Variants in RANBP2 observed in about 807,000 individuals in gnomAD.
RANBP2 encodes the protein RAN binding protein 2.
Under a neutral mutation model 303.6 loss-of-function variants are expected in RANBP2, and 57 were observed. The observed-to-expected ratio is 0.19, with a 90% CI of 0.15 to 0.23. The LOEUF is 0.23. RANBP2 is among the 10% of genes least tolerant of loss of function. The pLI is 1.00. For synonymous variants in RANBP2, 1,167 were observed against 1,301.5 expected, an observed-to-expected ratio of 0.90 and a Z score of 2.23; for missense variants, 3,138 against 3,780.8, an observed-to-expected ratio of 0.83 and a Z score of 4.46.
chr2:108,890,327 C>T, the RANBP2 span, among the ~76,000 whole-genome samples: 1 of 151,294 alleles, frequency 6.6e-6, no homozygotes, highest in Non-Finnish European at 1.5e-5. Flanking sequence ...TTACTGCAGC[C>T]TCTGCCTCCC....
In RANBP2 at chr2:108,785,053, C is replaced by A. The variant is rs942293250; in HGVS notation, c.*1152C>A. On this transcript the variant is annotated 3_prime_UTR_variant, in exon 29 of 29. Coordinates refer to ENST00000283195, the MANE Select transcript of RANBP2 (RefSeq NM_006267.5). ...GTAGAACACAAAATTTTGTATATTG[C>A]AATTATGAATATTGACTGTCTTCCA... 16 of 152,170 alleles carry A rather than the reference C, an allele frequency of 1.1e-4. No individual in the cohort carries two copies. The highest frequency in any genetic ancestry group is 2.9e-5 in the Non-Finnish European group (2 of 68,028). 9.4% of individuals were successfully genotyped at this position (152,170 alleles called of 1,614,324 possible). A position where few individuals can be genotyped will look rare whatever the true frequency, so the allele number is the denominator to read the frequency against.
chr2:109,027,295 G>T, the RANBP2 span, among the ~76,000 whole-genome samples: 6 of 152,038 alleles, frequency 3.9e-5, no homozygotes, highest in African/African-American at 1.4e-4. Context: ...TTGAAGGAGG[G>T]TGGGTCTCCT....
At chr2:108,805,237 T>C in the RANBP2 span, among the ~76,000 whole-genome samples, 7 of 152,150 alleles carry the variant, frequency 4.6e-5, no homozygotes, top group South Asian at 2.1e-4. Flanking sequence ...GAAAAAAACC[T>C]GATAACCTGA....
the RANBP2 span, among the ~76,000 whole-genome samples, chr2:109,359,322 TTTGA>T: frequency 6.6e-6 from 1 of 152,262 alleles, no homozygotes; most frequent in Non-Finnish European, 1.5e-5. Flanking sequence ...TTGCTGATAC[TTTGA>T]TTGAGATTGT....
chr2:108,978,341 T>C, the RANBP2 span, among the ~76,000 whole-genome samples: 1 of 152,200 alleles, frequency 6.6e-6, no homozygotes, highest in African/African-American at 2.4e-5. Context: ...ATAATCACCA[T>C]CTTATTAGGT....
At chr2:108,763,023 A>G (rs1355002265) in intron 19 of RANBP2, among the ~76,000 whole-genome samples, 2 of 152,110 alleles carry the variant, frequency 1.3e-5, no homozygotes, top group Non-Finnish European at 2.9e-5. Flanking sequence ...GGAGTTATTT[A>G]TATCCTACTG....
the RANBP2 span, among the ~76,000 whole-genome samples, chr2:109,586,185 T>C: frequency 6.6e-6 from 1 of 152,194 alleles, no homozygotes; most frequent in African/African-American, 2.4e-5. Flanking sequence ...AGAAAATTCT[T>C]ACATTAAAAT....
At chr2:109,415,293 C>T in the RANBP2 span, among the ~76,000 whole-genome samples, 5 of 152,206 alleles carry the variant, frequency 3.3e-5, no homozygotes, top group East Asian at 7.7e-4. Context: ...ACTAACACCA[C>T]GGTGTGGTGG....
the RANBP2 span, chr2:109,124,711 T>C: frequency 6.6e-6 from 1 of 152,384 alleles, no homozygotes; most frequent in South Asian, 2.1e-4. Context: ...GGATTTGCTT[T>C]GTTGTCGTCC....
At chr2:109,319,413 T>G in the RANBP2 span, among the ~76,000 whole-genome samples, 1 of 152,218 alleles carries the variant, frequency 6.6e-6, no homozygotes, top group East Asian at 1.9e-4. Flanking sequence ...CACCCAGGCA[T>G]CCTTTTCAGC....
At chr2:109,589,856 A>G in the RANBP2 span, among the ~76,000 whole-genome samples, 1 of 152,130 alleles carries the variant, frequency 6.6e-6, no homozygotes, top group Non-Finnish European at 1.5e-5. Flanking sequence ...GATTCCAAAT[A>G]TCAAACAAGT....
At chr2:108,941,588 C>T in the RANBP2 span, among the ~76,000 whole-genome samples, 2 of 152,196 alleles carry the variant, frequency 1.3e-5, no homozygotes, top group South Asian at 4.1e-4. Flanking sequence ...GCATGGCCAA[C>T]AGGGAAGAGT....
chr2:109,670,083 C>T, the RANBP2 span, among the ~76,000 whole-genome samples: 17 of 152,304 alleles, frequency 1.1e-4, no homozygotes, highest in East Asian at 3.9e-4. Context: ...GTGCGGCAGA[C>T]GGTTCCTCCT....
At chr2:108,927,142 C>A in the RANBP2 span, among the ~76,000 whole-genome samples, 4 of 152,212 alleles carry the variant, frequency 2.6e-5, no homozygotes, top group Admixed American at 6.5e-5. Flanking sequence ...CCATCGTCTG[C>A]ACCCCTGCGG....
chr2:109,101,353 C>T, the RANBP2 span, among the ~76,000 whole-genome samples: 1 of 151,980 alleles, frequency 6.6e-6, no homozygotes, highest in African/African-American at 2.4e-5. Context: ...GGTGAAACCC[C>T]CGTCTCTACT....
chr2:109,139,563 T>C, the RANBP2 span, among the ~76,000 whole-genome samples: 1 of 152,184 alleles, frequency 6.6e-6, no homozygotes, highest in East Asian at 1.9e-4. Context: ...GTTTTAAAAA[T>C]TAATTTAAAA....
the RANBP2 span, among the ~76,000 whole-genome samples, chr2:109,663,918 A>G: frequency 3.3e-5 from 5 of 152,210 alleles, no homozygotes; most frequent in Non-Finnish European, 7.3e-5. Flanking sequence ...AGTGCCTCCC[A>G]AATGTCGCTG....
chr2:109,342,027 G>A, the RANBP2 span, among the ~76,000 whole-genome samples: 2 of 152,182 alleles, frequency 1.3e-5, no homozygotes, highest in African/African-American at 2.4e-5. Flanking sequence ...CTCACCCGCC[G>A]GGGCCTATGG....
chr2:109,039,392 C>A, the RANBP2 span, among the ~76,000 whole-genome samples: 3 of 152,198 alleles, frequency 2.0e-5, no homozygotes, highest in Non-Finnish European at 4.4e-5. Flanking sequence ...GCTCTGTCGC[C>A]CAGGCTGGAG....
Sources: allele counts gnomAD v4.1 joint callset (sites outside exome capture counted in the v4.1 genomes callset), GRCh38; gene constraint gnomAD v4.1.1; transcripts MANE v1.5; gene names NCBI Gene and HGNC (gene_info 2026-07-23, HGNC 2026-07-21).